C11orf65: variants seen among roughly 807,000 people sequenced by gnomAD.
C11orf65 encodes chromosome 11 open reading frame 65.
In C11orf65, 38 loss-of-function variants were observed where a neutral mutation model predicts 35.3. The ratio of observed to expected loss-of-function variants is 1.08; its 90% confidence interval spans 0.83 to 1.41. C11orf65 has a LOEUF of 1.41. Among genes scored for constraint, C11orf65 ranks in the 40% most tolerant of loss-of-function variants. The pLI is 0.00. For missense variants in C11orf65, 370 were observed against 367.1 expected, an observed-to-expected ratio of 1.01 and a Z score of -0.06; for synonymous variants, 105 against 114.4, an observed-to-expected ratio of 0.92 and a Z score of 0.53.
At chr11:108,318,679 ACT>A (rs1178089872) in intron 6 of C11orf65, among the ~76,000 whole-genome samples, 9 of 151,984 alleles carry the variant, frequency 5.9e-5, no homozygotes, top group South Asian at 2.1e-4. Flanking sequence ...ACAGAGTGAG[ACT>A]CTGTCTCAAA....
At chr11:108,332,774 G>T (rs2136561475) in intron 3 of C11orf65, 1 of 1,612,946 alleles carries the variant, frequency 6.2e-7, no homozygotes. Context: ...TCGAACAGAG[G>T]CTGCAAATAG....
At chr11:108,422,451 T>C (rs1239069622) in intron 3 of C11orf65, among the ~76,000 whole-genome samples, 2 of 152,136 alleles carry the variant, frequency 1.3e-5, no homozygotes, top group Admixed American at 6.5e-5. Context: ...AGTAGAAAAA[T>C]AGACCAATGG....
In C11orf65 at chr11:108,406,895, G is replaced by C. The variant is rs1432636995; in HGVS notation, c.297C>G (p.Asn99Lys). ...THRPIEDLCA[N>K]SPRNYAKLPA... ...GAAGTTTTGCATAATTTCTAGGGCT[G>C]TTAGCACAGAGATCTTCAATAGGTC... The change falls in exon 5 of 9, where the codon AAC becomes AAG. Residue 99 changes from asparagine (N) to lysine (K), a missense_variant. Physicochemically the swap from Asn to Lys is moderately conservative, Grantham distance 94 (BLOSUM62 0). Coordinates refer to ENST00000393084, the MANE Select transcript of C11orf65 (RefSeq NM_152587.5). 1.2e-6 allele frequency: 2 copies of C among 1,612,682 alleles called. No individual in the cohort carries two copies. Among genetic ancestry groups the C allele is most frequent in the Non-Finnish European group, 1.7e-6 (2 of 1,178,896 alleles).
intron 2 of C11orf65, among the ~76,000 whole-genome samples, chr11:108,364,048 C>T (rs1466751473): frequency 6.6e-6 from 1 of 152,142 alleles, no homozygotes; most frequent in Non-Finnish European, 1.5e-5. Flanking sequence ...TAATCAAGCT[C>T]AGTTTCTCCA....
rs1215393635 is a variant in C11orf65 at position 108,452,760 on chromosome 11, T to A, written c.81+8719A>T. Among the ~76,000 whole-genome samples the A allele has an allele frequency of 3.9e-5, 6 of 151,998 alleles. No homozygotes were observed. The East Asian group carries it at 5.8e-4, about 15-fold the overall frequency. On this transcript the variant is annotated intron_variant, in intron 2 of 8. Transcript: ENST00000393084. ...GACTTGGAACCAACCCAAATGTCCA[T>A]CAATGATAGACTGGATTAAGAAAAT...
At chr11:108,406,419 G>A (rs1196699400) in intron 5 of C11orf65, among the ~76,000 whole-genome samples, 1 of 152,052 alleles carries the variant, frequency 6.6e-6, no homozygotes, top group African/African-American at 2.4e-5. Context: ...GGGATTACAG[G>A]CATGAGCCAC....
chr11:108,339,351 T>C (rs1213430972), intron 2 of C11orf65, among the ~76,000 whole-genome samples: 1 of 152,220 alleles, frequency 6.6e-6, no homozygotes. Flanking sequence ...AAATAATTTT[T>C]ATTCCTTGTC....
chr11:108,331,892 T>G, intron 3 of C11orf65: 2 of 1,613,562 alleles, frequency 1.2e-6, no homozygotes, highest in Non-Finnish European at 1.7e-6. Context: ...ATCTCTAGAA[T>G]TTCAATGGAT....
intron 2 of C11orf65, among the ~76,000 whole-genome samples, chr11:108,376,541 T>C (rs1334727679): frequency 3.3e-5 from 5 of 151,442 alleles, no homozygotes; most frequent in East Asian, 1.9e-4. Flanking sequence ...AGATCCAAAA[T>C]TGACACCCTA....
At chr11:108,401,585 T>C (rs1193705714) in intron 6 of C11orf65, among the ~76,000 whole-genome samples, 1 of 152,214 alleles carries the variant, frequency 6.6e-6, no homozygotes, top group Non-Finnish European at 1.5e-5. Context: ...TCTCAATTAA[T>C]TGAATAACTA....
chr11:108,335,811 T>G, intron 2 of C11orf65: 1 of 1,523,642 alleles, frequency 6.6e-7, no homozygotes, highest in Non-Finnish European at 9.1e-7. Context: ...TAAAATAAAC[T>G]GTACTTGTTT....
At chr11:108,398,825 CTGTTA>C (rs1400781748) in intron 6 of C11orf65, among the ~76,000 whole-genome samples, 1 of 152,098 alleles carries the variant, frequency 6.6e-6, no homozygotes, top group Non-Finnish European at 1.5e-5. Context: ...ATAACGCATT[CTGTTA>C]TGAGAGGTGT....
At position 108,365,746 on chromosome 11, in the gene C11orf65, G is replaced by C. The variant is rs2091280654; in HGVS notation, c.226+27462C>G. On this transcript the variant is annotated intron_variant, in intron 2 of 3. Coordinates refer to the C11orf65 transcript ENST00000524755. ...ATGGTCATTCGGGCTGGGCGCAGCG[G>C]CTCACGCCTGTAATCCCAGCACTTT... The C allele has an allele frequency of 7.3e-6, 4 of 546,072 alleles. No individual in the cohort carries two copies. Among genetic ancestry groups the C allele is most frequent in the Non-Finnish European group, 1.3e-5 (4 of 316,284 alleles). 33.8% of individuals were successfully genotyped at this position (546,072 alleles called of 1,614,324 possible). A position where few individuals can be genotyped will look rare whatever the true frequency, so the allele number is the denominator to read the frequency against.
chr11:108,405,611 G>A, intron 5 of C11orf65, 52 bp from the exon 6 acceptor site: 1 of 1,573,040 alleles, frequency 6.4e-7, no homozygotes, highest in Non-Finnish European at 8.7e-7. Context: ...CGATTGTGAG[G>A]TTATCTGGCA....
chr11:108,359,191 A>C (rs373310968), intron 2 of C11orf65, among the ~76,000 whole-genome samples: 9 of 150,336 alleles, frequency 6.0e-5, no homozygotes, highest in African/African-American at 1.7e-4. Context: ...GATCAAAAGA[A>C]ACAAAGAAGG....
downstream of C11orf65, chr11:108,329,273 C>A (rs1441007183): frequency 6.5e-7 from 1 of 1,544,756 alleles, no homozygotes; most frequent in South Asian, 1.1e-5. Context: ...ATTTTATGTT[C>A]ACCAGTTAAC....
chr11:108,415,367 A>G (rs561429215), intron 3 of C11orf65, among the ~76,000 whole-genome samples: 1 of 152,334 alleles, frequency 6.6e-6, no homozygotes, highest in South Asian at 2.1e-4. Context: ...TCAGCACGCA[A>G]AAAAGTAAAA....
chr11:108,353,102 A>G (rs1647546178), intron 2 of C11orf65, among the ~76,000 whole-genome samples: 1 of 152,196 alleles, frequency 6.6e-6, no homozygotes, highest in Non-Finnish European at 1.5e-5. Flanking sequence ...TCTTTTCTGT[A>G]TGATTTCTTA....
intron 3 of C11orf65, chr11:108,331,656 A>G: frequency 7.1e-7 from 1 of 1,416,230 alleles, no homozygotes. Flanking sequence ...AGAAATGGAA[A>G]TACAAAATTT....
Sources: gnomAD v4.1 joint callset for allele counts (sites outside exome capture counted in the v4.1 genomes callset) on GRCh38, gnomAD v4.1.1 for gene constraint, MANE v1.5 for transcripts, NCBI Gene and HGNC (gene_info 2026-07-23, HGNC 2026-07-21) for gene names.